The following DPP10 variants were observed in gnomAD, a reference collection of about 807,000 sequenced individuals.
DPP10 encodes the protein dipeptidyl peptidase like 10, also known as inactive dipeptidyl peptidase 10.
A neutral mutation model predicts 120.9 loss-of-function variants in DPP10; 33 were observed. That is an observed-to-expected ratio of 0.27 (90% CI 0.21 to 0.37). The LOEUF is 0.37. Ranked by LOEUF, DPP10 falls within the 10% of genes least tolerant of loss-of-function variation. DPP10 has a pLI of 1.00. For synonymous variants in DPP10, 337 were observed against 326.1 expected (o/e 1.03, Z -0.36); for missense variants, 816 against 942.8 (o/e 0.87, Z 1.76).
chr2:115,279,236 T>A (rs1325171916), intron 1 of DPP10, among the ~76,000 whole-genome samples: 6 of 152,204 alleles, frequency 3.9e-5, no homozygotes, highest in African/African-American at 1.4e-4. Flanking sequence ...CTCTCATGTA[T>A]GAATTTGAAA....
At chr2:115,073,255 A>G (rs1386165176) in intron 1 of DPP10, among the ~76,000 whole-genome samples, 7 of 152,246 alleles carry the variant, frequency 4.6e-5, no homozygotes, top group African/African-American at 1.4e-4. Context: ...TGTATTTCCA[A>G]GTCCTATCTT....
At chr2:115,080,060 A>G (rs1280949358) in intron 1 of DPP10, among the ~76,000 whole-genome samples, 1 of 152,044 alleles carries the variant, frequency 6.6e-6, no homozygotes, top group Non-Finnish European at 1.5e-5. Context: ...TCTTATAGCC[A>G]AGGCTGGAAT....
intron 1 of DPP10, among the ~76,000 whole-genome samples, chr2:114,757,372 AG>A (rs1679867479): frequency 7.1e-6 from 1 of 140,590 alleles, no homozygotes; most frequent in South Asian, 2.6e-4. Context: ...AGGAGGGAGA[AG>A]TAAAAGAAGG....
At chr2:115,203,831 C>T (rs2055919631) in intron 1 of DPP10, among the ~76,000 whole-genome samples, 1 of 151,996 alleles carries the variant, frequency 6.6e-6, no homozygotes, top group Non-Finnish European at 1.5e-5. Flanking sequence ...TTCCTTTTCT[C>T]CTATCTATTC....
intron 19 of DPP10, among the ~76,000 whole-genome samples, chr2:115,801,401 T>C (rs1685221951): frequency 1.3e-5 from 2 of 152,198 alleles, no homozygotes; most frequent in Admixed American, 6.5e-5. Flanking sequence ...TTTGACTTCC[T>C]CTTTTCCTAA....
chr2:115,789,240 CTAAA>C (rs1464774251), intron 17 of DPP10, among the ~76,000 whole-genome samples: 2 of 152,044 alleles, frequency 1.3e-5, no homozygotes, highest in African/African-American at 4.8e-5. Context: ...AACACCTTAA[CTAAA>C]TAATAGCAAG....
intron 1 of DPP10, among the ~76,000 whole-genome samples, chr2:114,682,525 G>T (rs1256898109): frequency 2.0e-5 from 3 of 151,666 alleles, no homozygotes; most frequent in Non-Finnish European, 4.4e-5. Context: ...CCCATAGCTA[G>T]AGATGTTGAC....
chr2:115,641,354 A>G (rs2086765533), intron 5 of DPP10, among the ~76,000 whole-genome samples: 1 of 152,142 alleles, frequency 6.6e-6, no homozygotes, highest in Non-Finnish European at 1.5e-5. Flanking sequence ...TCCCAGTGTC[A>G]TCTCCTCACA....
intron 1 of DPP10, among the ~76,000 whole-genome samples, chr2:115,067,538 C>T (rs1365495293): frequency 6.9e-6 from 1 of 144,732 alleles, no homozygotes; most frequent in Non-Finnish European, 1.5e-5. Flanking sequence ...AGGCGTGAGC[C>T]ACCGCGCCCA....
intron 1 of DPP10, among the ~76,000 whole-genome samples, chr2:115,054,346 T>C (rs769608760): frequency 9.9e-5 from 15 of 152,206 alleles, no homozygotes; most frequent in Non-Finnish European, 1.9e-4. Context: ...ACTTCACATT[T>C]ATCTCTTCCT....
intron 19 of DPP10, among the ~76,000 whole-genome samples, chr2:115,800,928 G>A (rs2149968943): frequency 6.6e-6 from 1 of 151,976 alleles, no homozygotes; most frequent in South Asian, 2.1e-4. Flanking sequence ...GCTCTTTTTT[G>A]GTTCCATATG....
At chr2:115,102,277 TA>T (rs2048727683) in intron 1 of DPP10, among the ~76,000 whole-genome samples, 1 of 152,170 alleles carries the variant, frequency 6.6e-6, no homozygotes. Context: ...TGACCATATA[TA>T]AACCTAATTA....
At chr2:114,863,086 A>G (rs972452706) in intron 1 of DPP10, among the ~76,000 whole-genome samples, 2 of 152,134 alleles carry the variant, frequency 1.3e-5, no homozygotes, top group African/African-American at 4.8e-5. Context: ...ATGTGTAGGC[A>G]TGTAAAGAAT....
intron 3 of DPP10, among the ~76,000 whole-genome samples, chr2:115,485,556 C>A (rs982807056): frequency 6.7e-6 from 1 of 149,940 alleles, no homozygotes; most frequent in African/African-American, 2.4e-5. Flanking sequence ...CCAATTTATT[C>A]AACTAAATCA....
intron 8 of DPP10, among the ~76,000 whole-genome samples, chr2:115,736,657 C>T (rs181703635): frequency 6.6e-6 from 1 of 152,086 alleles, no homozygotes; most frequent in Non-Finnish European, 1.5e-5. Context: ...GTGCCTTCCT[C>T]ATTACATTAT....
At chr2:115,133,145 G>GTGTGTGTGTATA (rs1338395575) in intron 1 of DPP10, among the ~76,000 whole-genome samples, 4 of 28,772 alleles carry the variant, frequency 1.4e-4, no homozygotes, top group African/African-American at 5.1e-4. Context: ...GTGTGTGTGT[G>GTGTGTGTGTATA]TATATATATA....
intron 1 of DPP10, among the ~76,000 whole-genome samples, chr2:114,788,608 G>A (rs910333416): frequency 2.0e-5 from 3 of 151,902 alleles, no homozygotes; most frequent in Non-Finnish European, 4.4e-5. Flanking sequence ...TAGTAGAGAC[G>A]GGGTTTCACC....
intron 1 of DPP10, among the ~76,000 whole-genome samples, chr2:114,829,038 C>T (rs1430759777): frequency 1.3e-5 from 2 of 152,100 alleles, no homozygotes; most frequent in African/African-American, 4.8e-5. Flanking sequence ...CCTGTAATCC[C>T]AGCATTTTGG....
chr2:115,131,281 A>C (rs188181579), intron 1 of DPP10, among the ~76,000 whole-genome samples: 39 of 152,316 alleles, frequency 2.6e-4, no homozygotes, highest in African/African-American at 9.4e-4. Context: ...TTGGGAGGCC[A>C]AGGCAGGAGC....
Sources: gnomAD v4.1 joint callset for allele counts (sites outside exome capture counted in the v4.1 genomes callset) on GRCh38, gnomAD v4.1.1 for gene constraint, MANE v1.5 for transcripts, NCBI Gene and HGNC (gene_info 2026-07-23, HGNC 2026-07-21) for gene names.